DGLUCY: variants seen among roughly 807,000 people sequenced by gnomAD.
The protein encoded by DGLUCY is D-glutamate cyclase, also known as D-glutamate cyclase, mitochondrial.
DGLUCY carries 58 observed loss-of-function variants against 58.5 expected under a neutral mutation model. The observed-to-expected ratio is 0.99, with a 90% CI of 0.80 to 1.23. DGLUCY has a LOEUF of 1.23. Ranked by LOEUF, DGLUCY falls within the 50% of genes most tolerant of loss-of-function variation. The pLI is 0.00. For missense variants in DGLUCY, 779 were observed against 784.7 expected (o/e 0.99, Z 0.09); for synonymous variants, 325 against 314.1 (o/e 1.03, Z -0.37).
intron 7 of DGLUCY, among the ~76,000 whole-genome samples, chr14:91,177,182 G>A (rs146404886): frequency 6.6e-6 from 1 of 152,208 alleles, no homozygotes; most frequent in Non-Finnish European, 1.5e-5. Flanking sequence ...GAAATTTTTT[G>A]TAGAGATGGG....
At chr14:91,130,031 G>A (rs1403169715) in intron 1 of DGLUCY, among the ~76,000 whole-genome samples, 1 of 152,158 alleles carries the variant, frequency 6.6e-6, no homozygotes, top group African/African-American at 2.4e-5. Context: ...TACATTGTAT[G>A]ATTTTCCCAC....
chr14:91,168,802 A>G (rs1384161202), intron 4 of DGLUCY, among the ~76,000 whole-genome samples: 4 of 152,176 alleles, frequency 2.6e-5, no homozygotes, highest in African/African-American at 9.7e-5. Context: ...AAATGCTGGG[A>G]TGGGATGGGC....
chr14:91,131,918 CA>C (rs1312464679), intron 1 of DGLUCY, among the ~76,000 whole-genome samples: 1 of 152,188 alleles, frequency 6.6e-6, no homozygotes, highest in Non-Finnish European at 1.5e-5. Context: ...ATCAGCCTCC[CA>C]AGTAGCTGGG....
At chr14:91,064,494 A>C (rs1231563911) in intron 1 of DGLUCY, among the ~76,000 whole-genome samples, 1 of 151,894 alleles carries the variant, frequency 6.6e-6, no homozygotes, top group Non-Finnish European at 1.5e-5. Flanking sequence ...ATGGTGGTGC[A>C]TGCCTATAAT....
intron 1 of DGLUCY, among the ~76,000 whole-genome samples, chr14:91,099,399 A>C (rs1454352530): frequency 6.6e-6 from 1 of 152,000 alleles, no homozygotes; most frequent in Non-Finnish European, 1.5e-5. Context: ...CAGGCATGGG[A>C]GCATAAACAT....
intron 3 of DGLUCY, among the ~76,000 whole-genome samples, chr14:91,164,479 T>G (rs1279787952): frequency 6.6e-6 from 1 of 152,218 alleles, no homozygotes; most frequent in Non-Finnish European, 1.5e-5. Context: ...TCCTCTGTTT[T>G]GGGAAGGCTT....
At chr14:91,077,892 G>A (rs1217505837) in intron 1 of DGLUCY, among the ~76,000 whole-genome samples, 2 of 150,412 alleles carry the variant, frequency 1.3e-5, no homozygotes, top group African/African-American at 4.9e-5. Flanking sequence ...AGGAAGGAAG[G>A]AAGTTAGTTC....
intron 5 of DGLUCY, among the ~76,000 whole-genome samples, chr14:91,172,415 A>G (rs1566981902): frequency 6.6e-6 from 1 of 152,118 alleles, no homozygotes; most frequent in African/African-American, 2.4e-5. Context: ...CACATTTAGC[A>G]TTTCCTTCAA....
intron 3 of DGLUCY, among the ~76,000 whole-genome samples, chr14:91,166,041 A>G (rs149000563): frequency 7.2e-5 from 11 of 152,376 alleles, no homozygotes; most frequent in Admixed American, 1.3e-4. Context: ...ATATGAATGA[A>G]TCTCAAAATA....
chr14:91,174,595 C>T (rs576854729), intron 6 of DGLUCY, among the ~76,000 whole-genome samples: 31 of 152,258 alleles, frequency 2.0e-4, no homozygotes, highest in African/African-American at 6.3e-4. Flanking sequence ...TATGAGCCAC[C>T]GCACCCGGTC....
At chr14:91,092,384 C>T (rs1011777762) in intron 1 of DGLUCY, among the ~76,000 whole-genome samples, 1 of 152,118 alleles carries the variant, frequency 6.6e-6, no homozygotes, top group African/African-American at 2.4e-5. Flanking sequence ...TGAGTTGAAT[C>T]GTTTTGGTTT....
Position 91,224,793 on chromosome 14 carries a change from T to C in DGLUCY, c.1826T>C (p.Met609Thr). 1 of 1,613,518 alleles carries C rather than the reference T, an allele frequency of 6.2e-7. No individual in the cohort carries two copies. Among genetic ancestry groups the C allele is most frequent in the Non-Finnish European group, 8.5e-7 (1 of 1,179,652 alleles). ...CCCTTCCACAACACCCACGCCGAGATGATCCAGAAGCTGGTGGACGTCACC... is the reference window on the plus strand; with the variant it reads ...CCCTTCCACAACACCCACGCCGAGACGATCCAGAAGCTGGTGGACGTCACC... The part of the protein sequence containing the change: ...GLPFHNTHAE[M>T]IQKLVDVTTA... The change falls in exon 14 of 14, where the codon ATG becomes ACG. Residue 609 changes from methionine to threonine, a missense_variant. Met to Thr is a moderately conservative substitution (Grantham distance 81, BLOSUM62 -1). Transcript: ENST00000256324.
chr14:91,222,713 C>T (rs996049196), intron 13 of DGLUCY, among the ~76,000 whole-genome samples: 5 of 152,212 alleles, frequency 3.3e-5, no homozygotes, highest in Non-Finnish European at 5.9e-5. Context: ...GGGCTCTCAG[C>T]TGGCTCATTT....
At chr14:91,180,987 A>G (rs1020024700) in intron 7 of DGLUCY, among the ~76,000 whole-genome samples, 199 bp from the exon 8 acceptor site, 1 of 152,144 alleles carries the variant, frequency 6.6e-6, no homozygotes, top group Non-Finnish European at 1.5e-5. Flanking sequence ...TTTCCTAGAG[A>G]TTAGAGGCAA....
intron 12 of DGLUCY, among the ~76,000 whole-genome samples, chr14:91,213,177 A>G (rs8015925): frequency 0.99 from 151,422 of 152,290 alleles, 75,290 homozygotes; most frequent in East Asian, 1. Flanking sequence ...ACTCACACCT[A>G]TAATCCCAGC....
rs1456473717 is a variant in DGLUCY, at chr14:91,204,708, G to T, written c.1447G>T (p.Val483Phe). ...KKIPGISSTG[V>F]GDGGNELGMG... is the part of the protein sequence containing the mutation. Reference sequence around the variant, plus strand: ...GACTCAGCTCCCCTTCCCTTCAGGAGTCGGTGATGGAGGCAACGAGCTTGG... The same window carrying T: ...GACTCAGCTCCCCTTCCCTTCAGGATTCGGTGATGGAGGCAACGAGCTTGG... The change falls in exon 12 of 14, where the codon GTC (valine) becomes TTC (phenylalanine). Residue 483 changes from valine (V) to phenylalanine (F), a missense_variant and splice_region_variant. Coordinates refer to ENST00000256324, the MANE Select transcript of DGLUCY (RefSeq NM_001102368.3). 2 of 1,613,926 alleles carry T rather than the reference G, an allele frequency of 1.2e-6. No individual in the cohort carries two copies. The highest frequency in any genetic ancestry group is 3.3e-5 in the Admixed American group (2 of 60,004).
At chr14:91,104,060 T>TC (rs2044540081), upstream of DGLUCY, among the ~76,000 whole-genome samples, 4 of 66,794 alleles carry the variant, frequency 6.0e-5, no homozygotes, top group African/African-American at 1.8e-4. Context: ...TTGAAAACAT[T>TC]CTTTTTTTTT....
At chr14:91,200,234 C>T (rs1187021682) in intron 11 of DGLUCY, among the ~76,000 whole-genome samples, 9 of 152,254 alleles carry the variant, frequency 5.9e-5, no homozygotes, top group Non-Finnish European at 1.5e-5. Context: ...GGATTACAGG[C>T]GTGAGCCACT....
chr14:91,174,364 G>A lies in DGLUCY; in HGVS notation c.607+925G>A, dbSNP rs149620122. On this transcript the variant is annotated intron_variant, in intron 6 of 13. Coordinates refer to ENST00000256324, the MANE Select transcript of DGLUCY (RefSeq NM_001102368.3). ...TCTGTCGCCCAGGCTGGAGTGCAGC[G>A]TTGCAATCTCAGCTCACTGCAACCT... Among the ~76,000 whole-genome samples, 754 of 152,160 alleles carry A rather than the reference G, an allele frequency of 5.0e-3. 7 individuals carry two copies. The highest frequency in any genetic ancestry group is 0.017 in the African/African-American group (693 of 41,498).
Sources: allele counts gnomAD v4.1 joint callset (sites outside exome capture counted in the v4.1 genomes callset), GRCh38; gene constraint gnomAD v4.1.1; transcripts MANE v1.5; gene names NCBI Gene and HGNC (gene_info 2026-07-23, HGNC 2026-07-21).